SIPA1L2: variants seen among roughly 807,000 people sequenced by gnomAD.
SIPA1L2 encodes the protein signal-induced proliferation-associated 1-like protein 2.
A neutral mutation model predicts 163.9 loss-of-function variants in SIPA1L2; 56 were observed. The observed-to-expected ratio is 0.34, with a 90% confidence interval of 0.28 to 0.43. The LOEUF (loss-of-function observed/expected upper bound fraction) is 0.43. SIPA1L2 is among the 20% of genes least tolerant of loss of function. The pLI is 1.00. For missense variants in SIPA1L2, 1,974 were observed against 2,193.5 expected, an observed-to-expected ratio of 0.90 and a Z score of 2.00; for synonymous variants, 877 against 865.7, an observed-to-expected ratio of 1.01 and a Z score of -0.23.
chr1:232,538,656 A>C (rs1199811072), intron 2 of SIPA1L2, among the ~76,000 whole-genome samples: 2 of 151,706 alleles, frequency 1.3e-5, no homozygotes, highest in South Asian at 2.1e-4. Context: ...ATATAATCTT[A>C]AAGTCCCCCA....
At chr1:232,622,471 T>C (rs1278919608) in intron 1 of SIPA1L2, among the ~76,000 whole-genome samples, 1 of 152,262 alleles carries the variant, frequency 6.6e-6, no homozygotes, top group Non-Finnish European at 1.5e-5. Context: ...AAATCCTTTC[T>C]GTTCAGTAAG....
intron 9 of SIPA1L2, chr1:232,462,074 C>T: frequency 1.2e-6 from 1 of 811,918 alleles, no homozygotes; most frequent in Non-Finnish European, 2.1e-6. Flanking sequence ...ATGTACCTTA[C>T]TCAAGAGTGA....
At chr1:232,541,298 T>TAACATAACATAA (rs748182999) in intron 2 of SIPA1L2, among the ~76,000 whole-genome samples, 8 of 146,996 alleles carry the variant, frequency 5.4e-5, no homozygotes, top group South Asian at 2.2e-4. Context: ...TAACATAACA[T>TAACATAACATAA]AACAGAATAT....
Position 232,409,698 on chromosome 1 carries a change from C to G in SIPA1L2, c.4763-5520G>C, listed in dbSNP as rs570569814. ...AGGCCTCAGCCATTCCAGACACAGA[C>G]AGGTGAGTGAAATCTCCTTAATGCT... On this transcript the variant is annotated intron_variant, in intron 19 of 22. Coordinates refer to ENST00000674635, the MANE Select transcript of SIPA1L2 (RefSeq NM_020808.5). 2.0e-5 allele frequency among the ~76,000 whole-genome samples: 3 copies of G among 152,252 alleles called. No individual in the cohort carries two copies. In the East Asian group the frequency reaches 5.8e-4, roughly 29 times the overall value.
In SIPA1L2 at chr1:232,425,794, C is replaced by A. The variant is rs200840117; in HGVS notation, c.4425G>T (p.Gly1475=). 160 of 1,613,470 alleles carry A rather than the reference C, an allele frequency of 9.9e-5. No homozygotes were observed. Among genetic ancestry groups the A allele is most frequent in the Admixed American group, 8.3e-5 (5 of 59,960 alleles). ...AAAGCGACCTCCTTGGAGACAGGTT[C>A]CCATAGAACGAAAACTAGGGTTTAA... The part of the protein sequence containing the change: ...EEGRRKFSFY[G]NLSPRRSLYR... Residue 1475 remains glycine (G), a synonymous_variant, in exon 18 of 23, where the codon GGG becomes GGT. Coordinates refer to ENST00000674635, the MANE Select transcript of SIPA1L2 (RefSeq NM_020808.5).
At chr1:232,584,349 C>T (rs1209349826) in intron 1 of SIPA1L2, among the ~76,000 whole-genome samples, 3 of 152,142 alleles carry the variant, frequency 2.0e-5, no homozygotes, top group Admixed American at 6.5e-5. Flanking sequence ...CTCAGCCTCC[C>T]GAGTAGATGA....
At chr1:232,544,477 G>A (rs1014419007) in intron 2 of SIPA1L2, among the ~76,000 whole-genome samples, 12 of 151,828 alleles carry the variant, frequency 7.9e-5, no homozygotes, top group African/African-American at 2.2e-4. Context: ...GGAGAATGGC[G>A]TGAACCCGGA....
In SIPA1L2 at chr1:232,539,334, AG is replaced by A. The variant is rs1354915664; in HGVS notation, c.-269-23727del. On this transcript the variant is annotated intron_variant, in intron 2 of 22. Coordinates refer to ENST00000674635, the MANE Select transcript of SIPA1L2 (RefSeq NM_020808.5). ...ACTACTTACAACTGCAAAAAGTCTAAGGGTCTGTCACTCAAAGGTCAAACGA... is the reference window on the plus strand; with the variant it reads ...ACTACTTACAACTGCAAAAAGTCTAAGGTCTGTCACTCAAAGGTCAAACGA... Among the ~76,000 whole-genome samples, 3 of 152,228 alleles carry A rather than the reference AG, an allele frequency of 2.0e-5. No individual in the cohort carries two copies. In the East Asian group the frequency reaches 5.8e-4, roughly 29 times the overall value.
At chr1:232,477,816 T>A (rs1208788464) in intron 7 of SIPA1L2, among the ~76,000 whole-genome samples, 1 of 152,156 alleles carries the variant, frequency 6.6e-6, no homozygotes, top group East Asian at 1.9e-4. Context: ...AGACTTCAAA[T>A]CTCTGGAGGT....
At chr1:232,618,888 T>C (rs1321054235) in intron 1 of SIPA1L2, among the ~76,000 whole-genome samples, 2 of 152,190 alleles carry the variant, frequency 1.3e-5, no homozygotes, top group African/African-American at 2.4e-5. Flanking sequence ...TTTCCTTTAG[T>C]TTTATGACAC....
At chr1:232,409,722 C>T (rs928684650) in intron 19 of SIPA1L2, among the ~76,000 whole-genome samples, 1 of 152,088 alleles carries the variant, frequency 6.6e-6, no homozygotes, top group South Asian at 2.1e-4. Flanking sequence ...CTCCTTAATG[C>T]TCCAGATCCA....
At chr1:232,415,343 C>T (rs1661183937) in intron 19 of SIPA1L2, 151 bp downstream of exon 19, 1 of 911,470 alleles carries the variant, frequency 1.1e-6, no homozygotes, top group Non-Finnish European at 1.5e-6. Flanking sequence ...CCAAGCCAGC[C>T]CCTGCTTGTT....
chr1:232,412,083 C>G (rs16857028), intron 19 of SIPA1L2, among the ~76,000 whole-genome samples: 33,507 of 152,086 alleles, frequency 0.22, 3,967 homozygotes, highest in Admixed American at 0.32. Flanking sequence ...CATGATTTGA[C>G]AGCTTAATTT....
chr1:232,572,676 TACACACACATATACATAC>T (rs746202007), intron 2 of SIPA1L2, among the ~76,000 whole-genome samples: 26,549 of 127,738 alleles, frequency 0.21, 2,902 homozygotes, highest in South Asian at 0.37. Context: ...TATATATATA[TACACACACATATACATAC>T]ATATATATAT....
At chr1:232,466,985 T>A (rs1284873468) in intron 8 of SIPA1L2, among the ~76,000 whole-genome samples, 2 of 152,192 alleles carry the variant, frequency 1.3e-5, no homozygotes, top group Non-Finnish European at 2.9e-5. Flanking sequence ...CAATCTTTGT[T>A]TTGTTTTCAT....
chr1:232,441,860 G>C lies in SIPA1L2; in HGVS notation c.3446C>G (p.Ser1149Cys), dbSNP rs777935628. The change falls in exon 13 of 23, where the codon TCC becomes TGC. Residue 1149 changes from serine (S) to cysteine (C), a missense_variant. This residue lies in a region of SIPA1L2 where 1,079 missense variants were observed against 1,150.7 expected (regional missense o/e 0.94). Coordinates refer to ENST00000674635, the MANE Select transcript of SIPA1L2 (RefSeq NM_020808.5). Reference sequence around the variant, plus strand: ...GCCCTGGTGTTCGAGCAGTAGAGGGGACTGGCACCTGAAAAGAACACAGAG... The same window carrying C: ...GCCCTGGTGTTCGAGCAGTAGAGGGCACTGGCACCTGAAAAGAACACAGAG... ...RPQVGYDGCQSPLLLEHQGSG... is the reference protein window; with the variant it reads ...RPQVGYDGCQCPLLLEHQGSG... 6 of 1,611,936 alleles carry C rather than the reference G, an allele frequency of 3.7e-6. No individual in the cohort carries two copies. In the South Asian group the frequency reaches 5.5e-5, roughly 15 times the overall value.
intron 2 of SIPA1L2, among the ~76,000 whole-genome samples, chr1:232,547,519 A>G (rs1658101833): frequency 2.5e-5 from 3 of 120,338 alleles, no homozygotes; most frequent in South Asian, 5.8e-4. Flanking sequence ...TTCCAGAGCC[A>G]TCGTTTTCAC....
chr1:232,582,999 C>A (rs575543938), intron 1 of SIPA1L2, among the ~76,000 whole-genome samples: 46 of 152,284 alleles, frequency 3.0e-4, no homozygotes, highest in Admixed American at 1.4e-3. Flanking sequence ...GAACACAAAG[C>A]GCAAATTTCT....
chr1:232,481,093 A>C (rs182377487), intron 6 of SIPA1L2, among the ~76,000 whole-genome samples: 1 of 152,346 alleles, frequency 6.6e-6, no homozygotes, highest in Non-Finnish European at 1.5e-5. Flanking sequence ...TTCATCCAAA[A>C]AGTTATATAT....
Sources: allele counts gnomAD v4.1 joint callset (sites outside exome capture counted in the v4.1 genomes callset), GRCh38; gene constraint gnomAD v4.1.1; regional missense constraint gnomAD v4.1.1; transcripts MANE v1.5; gene names NCBI Gene and HGNC (gene_info 2026-07-23, HGNC 2026-07-21).